The following LRRTM4 variants were observed in gnomAD, a reference collection of about 807,000 sequenced individuals.
LRRTM4 encodes leucine-rich repeat transmembrane neuronal protein 4.
Under a neutral mutation model 47.6 loss-of-function variants are expected in LRRTM4, and 25 were observed. That is an observed-to-expected ratio of 0.53 (90% CI 0.38 to 0.73). The LOEUF is 0.73. Ranked by LOEUF, LRRTM4 falls within the 30% of genes least tolerant of loss-of-function variation. LRRTM4 has a pLI of 0.00. For missense variants in LRRTM4, 638 were observed against 713.4 expected (o/e 0.89, Z 1.20); for synonymous variants, 311 against 269.5 (o/e 1.15, Z -1.51).
At chr2:77,165,942 T>C (rs1252765816) in intron 3 of LRRTM4, among the ~76,000 whole-genome samples, 1 of 152,158 alleles carries the variant, frequency 6.6e-6, no homozygotes, top group Non-Finnish European at 1.5e-5. Context: ...GTCAACATAA[T>C]GTTGGAAGTT....
intron 3 of LRRTM4, among the ~76,000 whole-genome samples, chr2:77,207,372 T>TATATATATATATATACACAC (rs59335400): frequency 1.5e-5 from 2 of 131,104 alleles, no homozygotes; most frequent in East Asian, 2.7e-4. Context: ...TATATATATA[T>TATATATATATATATACACAC]ACACACACAC....
intron 3 of LRRTM4, among the ~76,000 whole-genome samples, chr2:76,882,698 C>A (rs997932729): frequency 3.3e-5 from 5 of 152,076 alleles, no homozygotes; most frequent in Non-Finnish European, 7.4e-5. Flanking sequence ...GTCTCCTGAA[C>A]AGGACAGTAC....
chr2:77,520,792 T>A (rs1679457843), intron 2 of LRRTM4, among the ~76,000 whole-genome samples: 1 of 151,874 alleles, frequency 6.6e-6, no homozygotes, highest in African/African-American at 2.4e-5. Context: ...CTCCATTAAC[T>A]TCAGAAAGCC....
chr2:76,812,861 A>G (rs1670786653), intron 3 of LRRTM4, among the ~76,000 whole-genome samples: 1 of 137,902 alleles, frequency 7.3e-6, no homozygotes, highest in Non-Finnish European at 1.5e-5. Flanking sequence ...TAAAGATGAT[A>G]TTAATATTTA....
chr2:77,303,034 GC>G (rs1677172963), intron 3 of LRRTM4, among the ~76,000 whole-genome samples: 1 of 151,288 alleles, frequency 6.6e-6, no homozygotes, highest in South Asian at 2.1e-4. Flanking sequence ...TATATATTAG[GC>G]CCCACCATTG....
intron 3 of LRRTM4, among the ~76,000 whole-genome samples, chr2:77,205,803 T>A (rs1175826249): frequency 6.6e-6 from 1 of 152,158 alleles, no homozygotes; most frequent in African/African-American, 2.4e-5. Flanking sequence ...TATATCAACT[T>A]CAGACATCAT....
chr2:77,008,955 A>C (rs955015391), intron 3 of LRRTM4: 6 of 151,720 alleles, frequency 4.0e-5, no homozygotes, highest in Non-Finnish European at 5.9e-5. Flanking sequence ...AAGAAAAGAA[A>C]AAAAAAACGA....
At chr2:76,879,153 G>T (rs1205649008) in intron 3 of LRRTM4, among the ~76,000 whole-genome samples, 5 of 152,204 alleles carry the variant, frequency 3.3e-5, no homozygotes, top group Admixed American at 6.5e-5. Context: ...ATCTAGCTAA[G>T]ATCATTAGTG....
intron 3 of LRRTM4, among the ~76,000 whole-genome samples, chr2:77,072,064 T>C (rs955298669): frequency 6.6e-6 from 1 of 152,208 alleles, no homozygotes; most frequent in Admixed American, 6.5e-5. Context: ...TTTGAAAATA[T>C]ACATTATTAA....
intron 3 of LRRTM4, among the ~76,000 whole-genome samples, chr2:77,362,172 A>AGAAAGAAAGAAAGAAC: frequency 6.6e-6 from 1 of 150,738 alleles, no homozygotes; most frequent in Non-Finnish European, 1.5e-5. Context: ...AAAGAAAGAA[A>AGAAAGAAAGAAAGAAC]GGAAGGAAGG....
chr2:76,784,687 T>G (rs1023460742), intron 3 of LRRTM4, among the ~76,000 whole-genome samples: 1 of 152,126 alleles, frequency 6.6e-6, no homozygotes, highest in African/African-American at 2.4e-5. Context: ...AATAGCTTCC[T>G]AAGTTCTTAT....
intron 3 of LRRTM4, among the ~76,000 whole-genome samples, chr2:77,166,429 T>C (rs1672887813): frequency 6.6e-6 from 1 of 152,276 alleles, no homozygotes; most frequent in African/African-American, 2.4e-5. Flanking sequence ...TACCAATGAC[T>C]TTCTTCACAG....
intron 3 of LRRTM4, among the ~76,000 whole-genome samples, chr2:77,196,989 C>A (rs1184969918): frequency 6.6e-6 from 1 of 151,954 alleles, no homozygotes; most frequent in Admixed American, 6.6e-5. Flanking sequence ...TCTTGGACTT[C>A]TTCTGTTGGC....
intron 3 of LRRTM4, among the ~76,000 whole-genome samples, chr2:77,164,966 A>G (rs989446939): frequency 2.0e-5 from 3 of 152,212 alleles, no homozygotes; most frequent in Non-Finnish European, 2.9e-5. Context: ...CTAAGATTAG[A>G]GCAGAACTGA....
intron 3 of LRRTM4, among the ~76,000 whole-genome samples, chr2:77,179,050 T>TA (rs1281920266): frequency 1.3e-5 from 2 of 152,184 alleles, no homozygotes; most frequent in African/African-American, 4.8e-5. Flanking sequence ...ATCTGTATTT[T>TA]AAAAACCCTT....
chr2:77,322,406 T>C (rs1312026538), intron 3 of LRRTM4, among the ~76,000 whole-genome samples: 1 of 152,096 alleles, frequency 6.6e-6, no homozygotes, highest in East Asian at 1.9e-4. Flanking sequence ...GATAAACTCT[T>C]AGTGTTTCAA....
intron 3 of LRRTM4, among the ~76,000 whole-genome samples, chr2:76,803,763 A>ATTG (rs1350368301): frequency 6.6e-6 from 1 of 152,184 alleles, no homozygotes; most frequent in Non-Finnish European, 1.5e-5. Context: ...GAACTTGGAT[A>ATTG]TTGTGAAGGT....
At chr2:77,306,943 A>G (rs1166692345) in intron 3 of LRRTM4, among the ~76,000 whole-genome samples, 1 of 114,794 alleles carries the variant, frequency 8.7e-6, no homozygotes, top group Non-Finnish European at 1.6e-5. Flanking sequence ...TCTGTCGCCC[A>G]GGCTGGAGTG....
chr2:77,369,492 C>T lies in LRRTM4; in HGVS notation c.1551+148826G>A, dbSNP rs138238597. The stretch of plus-strand genomic sequence containing the variant: ...TCTACAACATGAAGACGAAAGTGGA[C>T]AATAGTTTATTGCATTCGGGATTTT... On this transcript the variant is annotated intron_variant, in intron 3 of 3. Transcript: ENST00000409884. Among the ~76,000 whole-genome samples, 422 of 151,632 alleles carry T rather than the reference C, an allele frequency of 2.8e-3. 1 individual carries two copies. The highest frequency in any genetic ancestry group is 9.4e-3 in the African/African-American group (388 of 41,404).
Sources: allele counts gnomAD v4.1 joint callset (sites outside exome capture counted in the v4.1 genomes callset), GRCh38; gene constraint gnomAD v4.1.1; transcripts MANE v1.5; gene names NCBI Gene and HGNC (gene_info 2026-07-23, HGNC 2026-07-21).